Variants in MSI2 observed in about 807,000 individuals in gnomAD.
MSI2 encodes the protein musashi RNA binding protein 2, also known as RNA-binding protein Musashi homolog 2.
Under a neutral mutation model 45.6 loss-of-function variants are expected in MSI2, and 17 were observed. The observed-to-expected ratio is 0.37, with a 90% CI of 0.26 to 0.56. The LOEUF (loss-of-function observed/expected upper bound fraction) is 0.56. Among genes scored for constraint, MSI2 ranks in the 20% least tolerant of loss-of-function variants. MSI2 has a pLI of 0.77. For missense variants in MSI2, 293 were observed against 444.2 expected (o/e 0.66, Z 3.06); for synonymous variants, 156 against 158.2 (o/e 0.99, Z 0.11).
chr17:57,346,141 CTTTT>C (rs2143815462), intron 5 of MSI2, among the ~76,000 whole-genome samples: 1 of 152,268 alleles, frequency 6.6e-6, no homozygotes, highest in East Asian at 1.9e-4. Context: ...TAATACTTTT[CTTTT>C]TGTTGATTTA....
chr17:57,504,352 A>G (rs1342896935), intron 6 of MSI2, among the ~76,000 whole-genome samples: 2 of 152,140 alleles, frequency 1.3e-5, no homozygotes, highest in African/African-American at 2.4e-5. Context: ...AGACAAAGTC[A>G]TGTTCCTCCT....
intron 6 of MSI2, among the ~76,000 whole-genome samples, chr17:57,520,567 G>T (rs1438587195): frequency 1.3e-5 from 2 of 152,208 alleles, no homozygotes; most frequent in East Asian, 3.8e-4. Context: ...TAATGCCACT[G>T]AACTGTAGAC....
intron 7 of MSI2, among the ~76,000 whole-genome samples, chr17:57,538,228 G>A (rs1305762509): frequency 3.3e-5 from 5 of 152,220 alleles, no homozygotes; most frequent in East Asian, 3.9e-4. Flanking sequence ...GCCAGTGGCC[G>A]GAGAGGGCTG....
At chr17:57,263,112 T>C (rs530850329) in intron 5 of MSI2, among the ~76,000 whole-genome samples, 2 of 152,348 alleles carry the variant, frequency 1.3e-5, no homozygotes, top group African/African-American at 2.4e-5. Flanking sequence ...TATTTCTTTA[T>C]GCACAGTCTC....
chr17:57,354,246 G>A (rs1044337399), intron 5 of MSI2, among the ~76,000 whole-genome samples: 2 of 152,186 alleles, frequency 1.3e-5, no homozygotes, highest in Non-Finnish European at 2.9e-5. Flanking sequence ...CCAACCCCTA[G>A]TCAGTAGCAT....
chr17:57,628,608 G>C (rs1311517242), intron 10 of MSI2: 1 of 152,370 alleles, frequency 6.6e-6, no homozygotes, highest in Non-Finnish European at 1.5e-5. Context: ...TACGAGGAAT[G>C]GTCTTTGGGG....
At chr17:57,616,266 T>G in intron 9 of MSI2, 182 bp downstream of exon 9, 3 of 570,776 alleles carry the variant, frequency 5.3e-6, no homozygotes, top group South Asian at 2.2e-5. Flanking sequence ...AGTGTGGGTG[T>G]GTGTGTGTGC....
intron 6 of MSI2, among the ~76,000 whole-genome samples, chr17:57,527,353 A>T (rs1386467380): frequency 7.0e-6 from 1 of 143,478 alleles, no homozygotes; most frequent in African/African-American, 2.5e-5. Flanking sequence ...CATATGCTCG[A>T]GTGTGACTGC....
chr17:57,376,649 T>A (rs1415724325), intron 5 of MSI2, among the ~76,000 whole-genome samples: 1 of 152,228 alleles, frequency 6.6e-6, no homozygotes, highest in Non-Finnish European at 1.5e-5. Flanking sequence ...GGCCCACCGT[T>A]GTCTTCCTTA....
chr17:57,502,113 G>T (rs1434538857), intron 6 of MSI2, among the ~76,000 whole-genome samples: 1 of 152,056 alleles, frequency 6.6e-6, no homozygotes, highest in African/African-American at 2.4e-5. Flanking sequence ...GCTCTCCAAG[G>T]GTCCTCTAGG....
At chr17:57,525,016 T>C (rs1477377175) in intron 6 of MSI2, among the ~76,000 whole-genome samples, 1 of 152,126 alleles carries the variant, frequency 6.6e-6, no homozygotes, top group Non-Finnish European at 1.5e-5. Context: ...CCCCGGGAGA[T>C]CTGTGGCTTA....
At chr17:57,530,026 G>A (rs570123571) in intron 7 of MSI2, among the ~76,000 whole-genome samples, 11 of 152,190 alleles carry the variant, frequency 7.2e-5, no homozygotes, top group East Asian at 3.9e-4. Flanking sequence ...TGCTAACCTC[G>A]GCACTAAGCG....
rs190726625 is a variant in MSI2, at chr17:57,570,461, C to T, written c.455-26407C>T. Among the ~76,000 whole-genome samples, 112 of 152,254 alleles carry T rather than the reference C, an allele frequency of 7.4e-4. 1 individual carries two copies. Among genetic ancestry groups the T allele is most frequent in the Middle Eastern group, 3.4e-3 (1 of 294 alleles). ...GCCTTAATTATTTGTGAGTTATCCACGGTTTTGCAGGGAGCATAGGAGCTA... is the reference window on the plus strand; with the variant it reads ...GCCTTAATTATTTGTGAGTTATCCATGGTTTTGCAGGGAGCATAGGAGCTA... On this transcript the variant is annotated intron_variant, in intron 7 of 13. Transcript: ENST00000284073.
intron 7 of MSI2, among the ~76,000 whole-genome samples, chr17:57,584,164 C>A (rs2088282195): frequency 6.6e-6 from 1 of 152,172 alleles, no homozygotes; most frequent in Admixed American, 6.5e-5. Flanking sequence ...CTATCCCAGG[C>A]CTTTGCTGAA....
chr17:57,443,501 A>G (rs2084839509), intron 6 of MSI2, among the ~76,000 whole-genome samples: 1 of 152,178 alleles, frequency 6.6e-6, no homozygotes, highest in Non-Finnish European at 1.5e-5. Flanking sequence ...TGAGTGGGAA[A>G]GCCCTAGAAC....
At chr17:57,691,628 A>T in the MSI2 span, among the ~76,000 whole-genome samples, 2 of 152,166 alleles carry the variant, frequency 1.3e-5, no homozygotes, top group East Asian at 1.9e-4. Flanking sequence ...TTAACTTAAA[A>T]TTTTTTAAAT....
In MSI2 at chr17:57,680,381, A is replaced by G. The variant is rs779420616; in HGVS notation, c.*864A>G. The G allele has an allele frequency of 2.2e-5, 5 of 226,746 alleles. No homozygotes were observed. Among genetic ancestry groups the G allele is most frequent in the Non-Finnish European group, 2.6e-5 (3 of 114,084 alleles). The allele number at this position is 226,746 out of a possible 1,614,324, so 14.0% of individuals were successfully genotyped here. A position where few individuals can be genotyped will look rare whatever the true frequency, so the allele number is the denominator to read the frequency against. On this transcript the variant is annotated 3_prime_UTR_variant, in exon 14 of 14. Transcript: ENST00000284073. ...CAATTCCATTAACTACATAGAAACT[A>G]TTAAGAAAGAGAGAATCAAAAATAT... is the stretch of plus-strand genomic sequence containing the variant.
intron 5 of MSI2, among the ~76,000 whole-genome samples, chr17:57,340,760 T>G (rs932250798): frequency 6.6e-6 from 1 of 152,030 alleles, no homozygotes; most frequent in Non-Finnish European, 1.5e-5. Context: ...GGGGTAGACA[T>G]GGGATTGGGC....
chr17:57,542,907 A>G (rs922017853), intron 7 of MSI2, among the ~76,000 whole-genome samples: 1 of 152,104 alleles, frequency 6.6e-6, no homozygotes, highest in Admixed American at 6.5e-5. Flanking sequence ...CCTTTGTGGC[A>G]CTTCTCAGTT....
Sources: allele counts gnomAD v4.1 joint callset (sites outside exome capture counted in the v4.1 genomes callset), GRCh38; gene constraint gnomAD v4.1.1; transcripts MANE v1.5; gene names NCBI Gene and HGNC (gene_info 2026-07-23, HGNC 2026-07-21).